CADM2: variants seen among roughly 807,000 people sequenced by gnomAD.
CADM2 encodes cell adhesion molecule 2.
In CADM2, 12 loss-of-function variants were observed where a neutral mutation model predicts 49.8. The ratio of observed to expected loss-of-function variants is 0.24; its 90% CI spans 0.15 to 0.39. The LOEUF (loss-of-function observed/expected upper bound fraction) is 0.39. Ranked by LOEUF, CADM2 falls within the 10% of genes least tolerant of loss-of-function variation. The pLI, the probability that CADM2 is intolerant of heterozygous loss-of-function variation, is 1.00. For missense variants in CADM2, 378 were observed against 492.3 expected (o/e 0.77, Z 2.20); for synonymous variants, 214 against 175.4 (o/e 1.22, Z -1.74).
At chr3:84,974,916 T>G (rs1284352338) in intron 1 of CADM2, among the ~76,000 whole-genome samples, 1 of 151,918 alleles carries the variant, frequency 6.6e-6, no homozygotes, top group Non-Finnish European at 1.5e-5. Context: ...GTTAAAATGA[T>G]AACATTTTTG....
chr3:85,922,149 T>G (rs1719200881), intron 6 of CADM2, among the ~76,000 whole-genome samples: 1 of 151,962 alleles, frequency 6.6e-6, no homozygotes, highest in South Asian at 2.1e-4. Flanking sequence ...CTTCTTTTCT[T>G]TCTTATTCTT....
At chr3:85,834,409 A>G (rs2074316363) in intron 3 of CADM2, among the ~76,000 whole-genome samples, 1 of 151,622 alleles carries the variant, frequency 6.6e-6, no homozygotes, top group Non-Finnish European at 1.5e-5. Flanking sequence ...GTGCAACCAG[A>G]AAGAATACAA....
chr3:85,847,108 C>T (rs1214329151), intron 3 of CADM2, among the ~76,000 whole-genome samples: 1 of 152,074 alleles, frequency 6.6e-6, no homozygotes, highest in Non-Finnish European at 1.5e-5. Context: ...GGGCAAATAC[C>T]AGTAATGATG....
At chr3:85,891,056 A>T (rs1714367452) in intron 5 of CADM2, among the ~76,000 whole-genome samples, 4 of 152,188 alleles carry the variant, frequency 2.6e-5, no homozygotes, top group Admixed American at 2.6e-4. Flanking sequence ...AAAATGAAAC[A>T]ATCATAATTT....
At position 85,053,913 on chromosome 3, in the gene CADM2, T is replaced by C. The variant is rs138020016; in HGVS notation, c.61+94245T>C. On this transcript the variant is annotated intron_variant, in intron 1 of 9. Coordinates refer to ENST00000383699, the MANE Select transcript of CADM2 (RefSeq NM_001167675.2). ...AAATGTTTTTAGTTAATTGAATTTC[T>C]TATTTTAACAGAACAGATTCCTGTA... 2.6e-4 allele frequency among the ~76,000 whole-genome samples: 39 copies of C among 152,118 alleles called. No homozygotes were observed. In the East Asian group the frequency reaches 6.0e-3, roughly 23 times the overall value.
Position 85,287,396 on chromosome 3 carries a change from G to T in CADM2, c.61+327728G>T, listed in dbSNP as rs1319084109. On this transcript the variant is annotated intron_variant, in intron 1 of 9. Coordinates refer to ENST00000383699, the MANE Select transcript of CADM2 (RefSeq NM_001167675.2). ...AATATTACATTCAGTTTTCTGAACAGTCTTACATGGCTGAGTTTCATATGC... is the reference window on the plus strand; with the variant it reads ...AATATTACATTCAGTTTTCTGAACATTCTTACATGGCTGAGTTTCATATGC... Among the ~76,000 whole-genome samples, 26 of 151,828 alleles carry T rather than the reference G, an allele frequency of 1.7e-4. 1 individual carries two copies. Among genetic ancestry groups the T allele is most frequent in the Admixed American group, 1.7e-3 (26 of 15,232 alleles).
chr3:85,352,109 C>A (rs1356577110), intron 1 of CADM2, among the ~76,000 whole-genome samples: 1 of 152,034 alleles, frequency 6.6e-6, no homozygotes, highest in Non-Finnish European at 1.5e-5. Context: ...TTTAAAAGTG[C>A]AGGAAACTTA....
intron 1 of CADM2, among the ~76,000 whole-genome samples, chr3:85,353,708 C>A (rs1411419726): frequency 1.3e-5 from 2 of 151,918 alleles, no homozygotes; most frequent in East Asian, 1.9e-4. Flanking sequence ...AAAGTATATT[C>A]ATTAGATATC....
intron 1 of CADM2, among the ~76,000 whole-genome samples, chr3:85,449,609 AAAAC>A (rs2037659138): frequency 6.6e-6 from 1 of 151,974 alleles, no homozygotes; most frequent in African/African-American, 2.4e-5. Flanking sequence ...AAGTAGTACT[AAAAC>A]AAGCTCCTTA....
intron 1 of CADM2, among the ~76,000 whole-genome samples, chr3:85,095,918 CT>C (rs2037777328): frequency 6.6e-6 from 1 of 151,958 alleles, no homozygotes; most frequent in Non-Finnish European, 1.5e-5. Flanking sequence ...ACTTACTCTG[CT>C]TGTGATATGT....
At chr3:85,260,658 C>T (rs1045549265) in intron 1 of CADM2, among the ~76,000 whole-genome samples, 3 of 152,124 alleles carry the variant, frequency 2.0e-5, no homozygotes, top group African/African-American at 7.2e-5. Flanking sequence ...ATGGGCTGCA[C>T]CTAGTAAAAA....
intron 1 of CADM2, among the ~76,000 whole-genome samples, chr3:85,127,790 A>T (rs1351244237): frequency 6.6e-6 from 1 of 152,120 alleles, no homozygotes; most frequent in African/African-American, 2.4e-5. Context: ...TATCTCTGAC[A>T]CATATTTGAT....
chr3:85,499,641 A>T (rs914249516), intron 1 of CADM2, among the ~76,000 whole-genome samples: 1 of 152,014 alleles, frequency 6.6e-6, no homozygotes, highest in African/African-American at 2.4e-5. Context: ...ATACAGATGA[A>T]TGCGTTCCTT....
At chr3:85,226,599 T>G (rs1456776696) in intron 1 of CADM2, among the ~76,000 whole-genome samples, 2 of 149,924 alleles carry the variant, frequency 1.3e-5, no homozygotes, top group Non-Finnish European at 3.0e-5. Context: ...TTTGAAGAGT[T>G]TTTTTTTTTG....
At chr3:85,344,084 C>T (rs548391756) in intron 1 of CADM2, among the ~76,000 whole-genome samples, 2 of 152,014 alleles carry the variant, frequency 1.3e-5, no homozygotes, top group East Asian at 1.9e-4. Flanking sequence ...CATAATTAAG[C>T]GTTAAAATAA....
At chr3:85,363,057 A>T (rs1370718241) in intron 1 of CADM2, among the ~76,000 whole-genome samples, 1 of 152,192 alleles carries the variant, frequency 6.6e-6, no homozygotes, top group Non-Finnish European at 1.5e-5. Flanking sequence ...CTGAGTACTC[A>T]AAGTCTCCTT....
At chr3:85,527,967 G>A (rs1413222358) in intron 1 of CADM2, among the ~76,000 whole-genome samples, 1 of 152,082 alleles carries the variant, frequency 6.6e-6, no homozygotes, top group Non-Finnish European at 1.5e-5. Context: ...TAGTAAAAAT[G>A]TTTTAACAAT....
chr3:86,020,221 A>C (rs1732946568), intron 8 of CADM2, among the ~76,000 whole-genome samples: 1 of 152,190 alleles, frequency 6.6e-6, no homozygotes, highest in South Asian at 2.1e-4. Flanking sequence ...CTAGGCAAAT[A>C]AACTAGAAAA....
At chr3:85,685,295 C>A (rs1464635068) in intron 1 of CADM2, among the ~76,000 whole-genome samples, 1 of 152,176 alleles carries the variant, frequency 6.6e-6, no homozygotes, top group African/African-American at 2.4e-5. Context: ...CCTTCATACT[C>A]TTCTCCCAGG....
Sources: gnomAD v4.1 joint callset for allele counts (sites outside exome capture counted in the v4.1 genomes callset) on GRCh38, gnomAD v4.1.1 for gene constraint, MANE v1.5 for transcripts, NCBI Gene and HGNC (gene_info 2026-07-23, HGNC 2026-07-21) for gene names.